CSMD1: variants seen among roughly 807,000 people sequenced by gnomAD.
The protein encoded by CSMD1 is CUB and Sushi multiple domains 1, also known as CUB and sushi domain-containing protein 1.
A neutral mutation model predicts 417.5 loss-of-function variants in CSMD1; 213 were observed. That is an observed-to-expected ratio of 0.51 (90% CI 0.46 to 0.57). The LOEUF is 0.57. CSMD1 is among the 20% of genes least tolerant of loss of function. The pLI, the probability that CSMD1 is intolerant of heterozygous loss-of-function variation, is 0.00. For synonymous variants in CSMD1, 2,862 were observed against 1,736.8 expected (o/e 1.65, Z -16.11); for missense variants, 6,923 against 4,529.7 (o/e 1.53, Z -15.17).
chr8:4,197,774 G>A lies in CSMD1; in HGVS notation c.416-165675C>T, dbSNP rs534879992. Among the ~76,000 whole-genome samples, 13 of 152,268 alleles carry A rather than the reference G, an allele frequency of 8.5e-5. 1 individual carries two copies. The South Asian group carries it at 2.7e-3, about 32-fold the overall frequency. On this transcript the variant is annotated intron_variant, in intron 3 of 69. Coordinates refer to ENST00000635120, the MANE Select transcript of CSMD1 (RefSeq NM_033225.6). ...CGTTCTTGTAATCCCAGCTACTTGGGAGGCTGATATGGGAGGATTGCTTGA... is the reference window on the plus strand; with the variant it reads ...CGTTCTTGTAATCCCAGCTACTTGGAAGGCTGATATGGGAGGATTGCTTGA...
intron 1 of CSMD1, among the ~76,000 whole-genome samples, chr8:4,764,885 A>ACAAAAAAAACAACAAAACAAAAC: frequency 1.3e-5 from 1 of 74,810 alleles, no homozygotes; most frequent in Admixed American, 1.7e-4. Flanking sequence ...AAAAAAAAAA[A>ACAAAAAAAACAACAAAACAAAAC]AAAAAAAAAC....
rs577199415 is a variant in CSMD1, at chr8:4,100,422, G to A, written c.416-68323C>T. Among the ~76,000 whole-genome samples the A allele has an allele frequency of 7.2e-5, 11 of 152,230 alleles. No homozygotes were observed. The East Asian group carries it at 7.7e-4, about 11-fold the overall frequency. On this transcript the variant is annotated intron_variant, in intron 3 of 69. Coordinates refer to ENST00000635120, the MANE Select transcript of CSMD1 (RefSeq NM_033225.6). ...TAGTCAGCCAACTACTCTGTAGCCC[G>A]TTCAAAGCAGAATCAAATTCACTAT...
At chr8:3,524,840 T>C (rs549821550) in intron 10 of CSMD1, among the ~76,000 whole-genome samples, 27 of 152,112 alleles carry the variant, frequency 1.8e-4, no homozygotes, top group African/African-American at 6.0e-4. Flanking sequence ...ACAGAGCCTT[T>C]ACAACTTCCT....
At chr8:4,366,204 T>A (rs967431853) in intron 3 of CSMD1, among the ~76,000 whole-genome samples, 2 of 152,200 alleles carry the variant, frequency 1.3e-5, no homozygotes, top group Non-Finnish European at 2.9e-5. Context: ...ATTGCTTCAC[T>A]TAGGATAATG....
chr8:4,438,349 C>T (rs1034415863), intron 2 of CSMD1, among the ~76,000 whole-genome samples: 2 of 152,144 alleles, frequency 1.3e-5, no homozygotes, highest in African/African-American at 2.4e-5. Context: ...GAACTCTGTC[C>T]TGCATCACCC....
At chr8:3,265,111 T>C (rs1474972762) in intron 26 of CSMD1, among the ~76,000 whole-genome samples, 2 of 152,224 alleles carry the variant, frequency 1.3e-5, no homozygotes, top group East Asian at 3.9e-4. Flanking sequence ...TGGCACCATG[T>C]TAAGGATTGT....
At chr8:3,488,636 G>A (rs905554662) in intron 11 of CSMD1, among the ~76,000 whole-genome samples, 8 of 152,032 alleles carry the variant, frequency 5.3e-5, no homozygotes, top group Admixed American at 1.3e-4. Flanking sequence ...CTGCCTCCTC[G>A]CTGAGTCCTA....
intron 15 of CSMD1, among the ~76,000 whole-genome samples, chr8:3,402,695 T>G (rs1375138649): frequency 6.6e-6 from 1 of 152,220 alleles, no homozygotes; most frequent in Non-Finnish European, 1.5e-5. Flanking sequence ...ACCAAATATC[T>G]ATAACATTTT....
At chr8:3,371,175 G>T (rs887762613) in intron 18 of CSMD1, among the ~76,000 whole-genome samples, 1 of 152,124 alleles carries the variant, frequency 6.6e-6, no homozygotes, top group Non-Finnish European at 1.5e-5. Flanking sequence ...GCTTGCAGAA[G>T]GCAGATCTTG....
intron 2 of CSMD1, among the ~76,000 whole-genome samples, chr8:4,451,604 G>A (rs1425165328): frequency 6.6e-6 from 1 of 152,188 alleles, no homozygotes; most frequent in African/African-American, 2.4e-5. Flanking sequence ...GACCATTTTA[G>A]AGGTTATATT....
At chr8:3,856,356 C>G (rs754720773) in intron 5 of CSMD1, among the ~76,000 whole-genome samples, 1 of 152,130 alleles carries the variant, frequency 6.6e-6, no homozygotes, top group African/African-American at 2.4e-5. Flanking sequence ...CTGTACAGCC[C>G]GCAGAACCGT....
At chr8:4,565,780 ATATATATATATATATATG>A (rs1563291924) in intron 2 of CSMD1, among the ~76,000 whole-genome samples, 6 of 42,768 alleles carry the variant, frequency 1.4e-4, no homozygotes, top group Non-Finnish European at 3.4e-4. Flanking sequence ...ATATATATAT[ATATATATATATATATATG>A]TATACATATA....
intron 11 of CSMD1, among the ~76,000 whole-genome samples, chr8:3,489,351 C>G (rs1210161281): frequency 6.6e-6 from 1 of 152,170 alleles, no homozygotes; most frequent in East Asian, 1.9e-4. Context: ...ACTATTCATT[C>G]TCATAGAGGG....
intron 5 of CSMD1, among the ~76,000 whole-genome samples, chr8:3,942,312 G>C (rs1324015933): frequency 6.6e-6 from 1 of 152,078 alleles, no homozygotes; most frequent in African/African-American, 2.4e-5. Context: ...TCCTCTTCCA[G>C]TGGAAAAATT....
chr8:3,282,868 T>A (rs1169425752), intron 26 of CSMD1, among the ~76,000 whole-genome samples: 1 of 152,176 alleles, frequency 6.6e-6, no homozygotes, highest in Non-Finnish European at 1.5e-5. Flanking sequence ...GTCAGTGAGC[T>A]GCCAAGAGAT....
At chr8:4,468,626 G>A (rs1488006990) in intron 2 of CSMD1, among the ~76,000 whole-genome samples, 2 of 152,108 alleles carry the variant, frequency 1.3e-5, no homozygotes, top group Admixed American at 1.3e-4. Flanking sequence ...GAACCTAATT[G>A]TTAAAATGGT....
chr8:4,960,487 C>G (rs768319921), intron 1 of CSMD1, among the ~76,000 whole-genome samples: 1 of 152,140 alleles, frequency 6.6e-6, no homozygotes, highest in African/African-American at 2.4e-5. Flanking sequence ...AAGCTGAATT[C>G]CTTGTTTATG....
At chr8:4,740,655 G>A (rs777552234) in intron 1 of CSMD1, among the ~76,000 whole-genome samples, 1 of 152,150 alleles carries the variant, frequency 6.6e-6, no homozygotes, top group Non-Finnish European at 1.5e-5. Context: ...CAGCTCTCTG[G>A]CTTTTCACTA....
intron 25 of CSMD1, among the ~76,000 whole-genome samples, chr8:3,303,636 G>C (rs1308105044): frequency 1.3e-5 from 2 of 152,166 alleles, no homozygotes; most frequent in Admixed American, 6.6e-5. Flanking sequence ...AGCAATTAAA[G>C]CTTAGGAACA....
Sources: allele counts gnomAD v4.1 joint callset (sites outside exome capture counted in the v4.1 genomes callset), GRCh38; gene constraint gnomAD v4.1.1; transcripts MANE v1.5; gene names NCBI Gene and HGNC (gene_info 2026-07-23, HGNC 2026-07-21).